The following FSTL4 variants were observed in gnomAD, a reference collection of about 807,000 sequenced individuals.
FSTL4 encodes the protein follistatin-related protein 4.
A neutral mutation model predicts 78.2 loss-of-function variants in FSTL4; 28 were observed. The observed-to-expected ratio is 0.36, with a 90% CI of 0.27 to 0.49. The LOEUF is 0.49. FSTL4 is among the 20% of genes least tolerant of loss of function. The pLI is 0.98. For synonymous variants in FSTL4, 422 were observed against 440.5 expected (o/e 0.96, Z 0.53); for missense variants, 922 against 1,084.9 (o/e 0.85, Z 2.11).
At chr5:133,220,935 T>A (rs150311987) in intron 11 of FSTL4, 69 bp from the exon 12 acceptor site, 9 of 895,288 alleles carry the variant, frequency 1.0e-5, no homozygotes, top group Non-Finnish European at 9.5e-6. Flanking sequence ...ACACGCAGCA[T>A]TGAACACACA....
chr5:133,643,197 G>A, the FSTL4 span, among the ~76,000 whole-genome samples: 44 of 152,258 alleles, frequency 2.9e-4, no homozygotes, highest in South Asian at 8.9e-3. Flanking sequence ...TTTTATATAG[G>A]CATTGAACAA....
chr5:133,279,406 C>A (rs1018878693), intron 6 of FSTL4, among the ~76,000 whole-genome samples: 1 of 152,244 alleles, frequency 6.6e-6, no homozygotes, highest in Non-Finnish European at 1.5e-5. Flanking sequence ...TCTGCTCCCC[C>A]ACTCCCAGTC....
At chr5:133,629,452 G>A in the FSTL4 span, among the ~76,000 whole-genome samples, 3 of 152,170 alleles carry the variant, frequency 2.0e-5, no homozygotes, top group African/African-American at 7.2e-5. Flanking sequence ...CCAGGAAGAA[G>A]TTGAATCCCT....
intron 3 of FSTL4, among the ~76,000 whole-genome samples, chr5:133,444,302 T>C (rs1179872940): frequency 1.3e-5 from 2 of 152,234 alleles, no homozygotes; most frequent in African/African-American, 4.8e-5. Context: ...TTAGAAGCAC[T>C]GAGCACAGTT....
chr5:133,378,219 CTA>C (rs1755486271), intron 4 of FSTL4, among the ~76,000 whole-genome samples: 1 of 152,132 alleles, frequency 6.6e-6, no homozygotes, highest in Non-Finnish European at 1.5e-5. Context: ...GCAAAGATAA[CTA>C]TGTAATTATA....
At chr5:133,740,867 G>T in the FSTL4 span, among the ~76,000 whole-genome samples, 1 of 152,158 alleles carries the variant, frequency 6.6e-6, no homozygotes, top group Non-Finnish European at 1.5e-5. Context: ...GTAGCCCCGT[G>T]CAGGACCATC....
chr5:133,636,444 T>C, the FSTL4 span, among the ~76,000 whole-genome samples: 4 of 152,272 alleles, frequency 2.6e-5, no homozygotes, highest in Admixed American at 6.5e-5. Context: ...TGGTGTCCAG[T>C]GCTGGGTCTG....
chr5:133,815,894 A>G, the FSTL4 span, among the ~76,000 whole-genome samples: 3 of 152,214 alleles, frequency 2.0e-5, no homozygotes, highest in African/African-American at 7.2e-5. Flanking sequence ...CGTAGGGTTG[A>G]CCAGGCAATC....
intron 3 of FSTL4, among the ~76,000 whole-genome samples, chr5:133,465,552 G>T (rs72787329): frequency 0.021 from 3,143 of 152,306 alleles, 45 homozygotes; most frequent in Non-Finnish European, 0.031. Context: ...GACTAGCTCT[G>T]GGTTCTAGTC....
intron 3 of FSTL4, among the ~76,000 whole-genome samples, chr5:133,537,797 TAC>T (rs759757767): frequency 0.031 from 4,544 of 148,230 alleles, 87 homozygotes; most frequent in Non-Finnish European, 0.046. Context: ...TATATATATA[TAC>T]ACACACACAC....
chr5:133,457,848 GC>G (rs1464915961), intron 3 of FSTL4: 3 of 152,206 alleles, frequency 2.0e-5, no homozygotes, highest in African/African-American at 7.2e-5. Flanking sequence ...AGTGGATGAG[GC>G]CATTAATCAA....
rs374527325 is a variant in FSTL4, at chr5:133,440,747, G to A, written c.161-39761C>T. ...GCAAGAGGCCTAGCCCAGACACAGC[G>A]TGGAAGACACGTTTCAGGCAGGACA... On this transcript the variant is annotated intron_variant, in intron 3 of 15. Coordinates refer to ENST00000265342, the MANE Select transcript of FSTL4 (RefSeq NM_015082.2). The surrounding 1 kb of genome is among the most constrained non-coding windows in gnomAD (Gnocchi z 4.1). Among the ~76,000 whole-genome samples, 2 of 152,260 alleles carry A rather than the reference G, an allele frequency of 1.3e-5. No homozygotes were observed. The highest frequency in any genetic ancestry group is 2.1e-4 in the South Asian group (1 of 4,832).
intron 3 of FSTL4, among the ~76,000 whole-genome samples, chr5:133,452,282 CTTG>C (rs929828876): frequency 1.7e-4 from 26 of 152,342 alleles, no homozygotes; most frequent in African/African-American, 5.8e-4. Context: ...ATAGACTATT[CTTG>C]TTGTATCATC....
intron 3 of FSTL4, among the ~76,000 whole-genome samples, chr5:133,521,686 C>T (rs1758984694): frequency 6.6e-6 from 1 of 152,184 alleles, no homozygotes; most frequent in South Asian, 2.1e-4. Context: ...CCTATCAACT[C>T]TTTCTAAATT....
chr5:133,510,267 A>T (rs1014585750), intron 3 of FSTL4, among the ~76,000 whole-genome samples: 9 of 152,166 alleles, frequency 5.9e-5, no homozygotes, highest in Non-Finnish European at 1.3e-4. Context: ...GCCCACAGCA[A>T]CACCCTCTAC....
chr5:133,485,891 G>A (rs1295971186), intron 3 of FSTL4, among the ~76,000 whole-genome samples: 1 of 152,206 alleles, frequency 6.6e-6, no homozygotes, highest in Admixed American at 6.5e-5. Flanking sequence ...GTCACAGTGG[G>A]CTTCTTCCAG....
the FSTL4 span, among the ~76,000 whole-genome samples, chr5:133,706,023 C>T: frequency 2.0e-5 from 3 of 152,346 alleles, no homozygotes; most frequent in South Asian, 2.1e-4. Flanking sequence ...GGGCTGAGTG[C>T]ATCCCTGCAA....
intron 3 of FSTL4, among the ~76,000 whole-genome samples, chr5:133,557,973 C>A (rs1232196296): frequency 2.0e-5 from 3 of 152,220 alleles, no homozygotes; most frequent in African/African-American, 4.8e-5. Context: ...TCCACCAGAA[C>A]ATTCAGAGAG....
the FSTL4 span, chr5:133,720,393 C>T: frequency 6.6e-6 from 1 of 152,336 alleles, no homozygotes; most frequent in Non-Finnish European, 1.5e-5. Context: ...AATGATAGGG[C>T]TAACAACAAT....
Sources: gnomAD v4.1 joint callset for allele counts (sites outside exome capture counted in the v4.1 genomes callset) on GRCh38, gnomAD v4.1.1 for gene constraint, Gnocchi (gnomAD v3.1) non-coding constraint, MANE v1.5 for transcripts, NCBI Gene and HGNC (gene_info 2026-07-23, HGNC 2026-07-21) for gene names.